CAP2: variants seen among roughly 807,000 people sequenced by gnomAD.
CAP2 encodes the protein adenylyl cyclase-associated protein 2.
CAP2 carries 24 observed loss-of-function variants against 57.7 expected under a neutral mutation model. That is an observed-to-expected ratio of 0.42 (90% CI 0.30 to 0.58). The LOEUF (loss-of-function observed/expected upper bound fraction) is 0.58. Ranked by LOEUF, CAP2 falls within the 20% of genes least tolerant of loss-of-function variation. The pLI is 0.22. For synonymous variants in CAP2, 194 were observed against 207.2 expected, an observed-to-expected ratio of 0.94 and a Z score of 0.55; for missense variants, 501 against 590.3, an observed-to-expected ratio of 0.85 and a Z score of 1.57.
At chr6:17,520,038 A>G (rs1762355222) in intron 7 of CAP2, among the ~76,000 whole-genome samples, 1 of 152,232 alleles carries the variant, frequency 6.6e-6, no homozygotes, top group South Asian at 2.1e-4. Context: ...AAAACTGCAC[A>G]TGGATGAATG....
intron 4 of CAP2, among the ~76,000 whole-genome samples, chr6:17,484,970 C>A (rs969230980): frequency 6.6e-6 from 1 of 152,182 alleles, no homozygotes; most frequent in African/African-American, 2.4e-5. Context: ...TATGAAGATT[C>A]TCTGAAATGA....
At chr6:17,460,346 T>G (rs1162607766) in intron 3 of CAP2, among the ~76,000 whole-genome samples, 5 of 152,080 alleles carry the variant, frequency 3.3e-5, no homozygotes, top group Non-Finnish European at 7.4e-5. Context: ...AAAAATAAAA[T>G]TAACTCAGAA....
chr6:17,463,158 A>T, intron 4 of CAP2, 85 bp downstream of exon 4: 1 of 908,446 alleles, frequency 1.1e-6, no homozygotes, highest in Non-Finnish European at 1.8e-6. Flanking sequence ...AGCATTTATT[A>T]TAGTCGACCT....
At chr6:17,484,425 C>T (rs947987807) in intron 4 of CAP2, among the ~76,000 whole-genome samples, 1 of 152,192 alleles carries the variant, frequency 6.6e-6, no homozygotes, top group African/African-American at 2.4e-5. Context: ...ATACGCTGTG[C>T]ATCTGGCGGC....
intron 4 of CAP2, among the ~76,000 whole-genome samples, chr6:17,497,260 T>A (rs707859): frequency 0.74 from 112,695 of 152,130 alleles, 41,906 homozygotes; most frequent in African/African-American, 0.77. Context: ...TAAGTAAAGC[T>A]CAAGTGAGAC....
intron 1 of CAP2, among the ~76,000 whole-genome samples, chr6:17,404,725 C>T (rs534752245): frequency 5.7e-5 from 8 of 140,256 alleles, no homozygotes; most frequent in South Asian, 2.3e-4. Context: ...GAGCCAAGAT[C>T]GCGCCACTGC....
At chr6:17,485,526 C>T (rs944049300) in intron 4 of CAP2, among the ~76,000 whole-genome samples, 1 of 152,192 alleles carries the variant, frequency 6.6e-6, no homozygotes, top group Non-Finnish European at 1.5e-5. Context: ...CCTTTCCTGC[C>T]ATGTGAACTC....
At chr6:17,422,669 C>G (rs1438235188) in intron 2 of CAP2, among the ~76,000 whole-genome samples, 2 of 152,000 alleles carry the variant, frequency 1.3e-5, no homozygotes, top group African/African-American at 2.4e-5. Flanking sequence ...GCTTTTAAAA[C>G]TATATCCTAA....
intron 11 of CAP2, among the ~76,000 whole-genome samples, 177 bp downstream of exon 11, chr6:17,543,320 C>T (rs1762952963): frequency 6.6e-6 from 1 of 152,104 alleles, no homozygotes; most frequent in Admixed American, 6.6e-5. Flanking sequence ...ACTCTGCCTC[C>T]AAGAAGCAGC....
intron 1 of CAP2, among the ~76,000 whole-genome samples, chr6:17,402,391 G>A (rs1206477891): frequency 3.9e-5 from 6 of 152,150 alleles, no homozygotes; most frequent in African/African-American, 7.2e-5. Context: ...TATAAATTTC[G>A]TTTCAGGGGT....
chr6:17,502,328 A>G (rs1270759190), intron 4 of CAP2, among the ~76,000 whole-genome samples: 1 of 152,188 alleles, frequency 6.6e-6, no homozygotes, highest in Non-Finnish European at 1.5e-5. Flanking sequence ...TCCAGCTTTG[A>G]TGGAAGTCAC....
At chr6:17,395,795 A>G (rs1758650887) in intron 1 of CAP2, among the ~76,000 whole-genome samples, 1 of 152,202 alleles carries the variant, frequency 6.6e-6, no homozygotes, top group Non-Finnish European at 1.5e-5. Context: ...CATTATGTTC[A>G]ACTGAACACC....
intron 7 of CAP2, among the ~76,000 whole-genome samples, chr6:17,519,346 G>A (rs939344612): frequency 6.6e-5 from 10 of 152,112 alleles, no homozygotes; most frequent in Non-Finnish European, 1.3e-4. Flanking sequence ...CAAGTGTGCC[G>A]GGTGGGGTGG....
chr6:17,512,207 T>C (rs1449642594), intron 6 of CAP2, among the ~76,000 whole-genome samples: 1 of 151,876 alleles, frequency 6.6e-6, no homozygotes, highest in Non-Finnish European at 1.5e-5. Flanking sequence ...CTGGGCAACA[T>C]AGTGAGACCT....
chr6:17,398,714 C>T (rs551499412), intron 1 of CAP2, among the ~76,000 whole-genome samples: 4 of 151,796 alleles, frequency 2.6e-5, no homozygotes, highest in Non-Finnish European at 5.9e-5. Flanking sequence ...TTAGTAGAGA[C>T]GGGATTTCAC....
chr6:17,404,932 A>G (rs1758917643), intron 1 of CAP2, among the ~76,000 whole-genome samples: 1 of 152,128 alleles, frequency 6.6e-6, no homozygotes, highest in African/African-American at 2.4e-5. Context: ...AAGGTATTGT[A>G]TGAGTGTATA....
intron 4 of CAP2, among the ~76,000 whole-genome samples, chr6:17,506,413 G>C (rs1761985914): frequency 6.6e-6 from 1 of 152,070 alleles, no homozygotes; most frequent in African/African-American, 2.4e-5. Context: ...AGTACTTTGG[G>C]AGGCCGAGGT....
At chr6:17,468,926 C>G (rs962485058) in intron 4 of CAP2, among the ~76,000 whole-genome samples, 1 of 152,170 alleles carries the variant, frequency 6.6e-6, no homozygotes, top group East Asian at 1.9e-4. Flanking sequence ...TTTGCAGACC[C>G]TACATGTAAG....
chr6:17,521,510 C>T (rs1180587753), intron 7 of CAP2, among the ~76,000 whole-genome samples: 1 of 152,168 alleles, frequency 6.6e-6, no homozygotes. Context: ...TGAGTTCAGC[C>T]TGACAGAGAC....
Sources: gnomAD v4.1 joint callset for allele counts (sites outside exome capture counted in the v4.1 genomes callset) on GRCh38, gnomAD v4.1.1 for gene constraint, MANE v1.5 for transcripts, NCBI Gene and HGNC (gene_info 2026-07-23, HGNC 2026-07-21) for gene names.